Variants in CYBB observed in about 807,000 individuals in gnomAD.
The protein encoded by CYBB is NADPH oxidase 2.
CYBB carries 5 observed loss-of-function variants against 46.5 expected under a neutral mutation model. That is an observed-to-expected ratio of 0.11 (90% CI 0.06 to 0.23). The LOEUF is 0.23. Among genes scored for constraint, CYBB ranks in the 10% least tolerant of loss-of-function variants. The pLI is 1.00. For synonymous variants in CYBB, 183 were observed against 156.7 expected (o/e 1.17, Z -1.26); for missense variants, 307 against 428.3 (o/e 0.72, Z 2.50).
At position 37,813,237 on chromosome X, in the gene CYBB, T is replaced by C. The variant is rs547510406; in HGVS notation, c.*2320T>C. Reference sequence around the variant, plus strand: ...TTTTTTTTTTTTTTTTTTTTAGCACTTAGTATTTAGCATTTATTAACAGGT... The same window carrying C: ...TTTTTTTTTTTTTTTTTTTTAGCACCTAGTATTTAGCATTTATTAACAGGT... On this transcript the variant is annotated 3_prime_UTR_variant, in exon 13 of 13. Transcript: ENST00000378588. 9.8e-6 allele frequency: 1 copy of C among 101,811 alleles called. No individual in the cohort carries two copies. The highest frequency in any genetic ancestry group is 2.0e-5 in the Non-Finnish European group (1 of 50,581). 8.4% of individuals were successfully genotyped at this position (101,811 alleles called of 1,213,427 possible).
At chrX:37,796,490 C>T (rs1045213193) in intron 6 of CYBB, among the ~76,000 whole-genome samples, 46 of 111,282 alleles carry the variant, frequency 4.1e-4, no homozygotes, top group African/African-American at 1.4e-3. Context: ...ATTAAACAAA[C>T]CTCCAGACTA....
Position 37,795,810 on chromosome X carries a change from T to C in CYBB, c.484-141T>C, listed in dbSNP as rs782368341. 11 of 466,865 alleles carry C rather than the reference T, an allele frequency of 2.4e-5. No homozygotes were observed. The Admixed American group carries it at 3.8e-4, about 16-fold the overall frequency. The allele number at this position is 466,865 out of a possible 1,213,427, so 38.5% of individuals were successfully genotyped here. On this transcript the variant is annotated intron_variant, in intron 5 of 12. Transcript: ENST00000378588. ...TGATTAGGATTATTCAAAGAGGGGGTGAAAATATCTATTGTTCTATACATT... is the reference window on the plus strand; with the variant it reads ...TGATTAGGATTATTCAAAGAGGGGGCGAAAATATCTATTGTTCTATACATT...
intron 3 of CYBB, among the ~76,000 whole-genome samples, chrX:37,785,809 T>G (rs1556465402): frequency 8.9e-6 from 1 of 111,842 alleles, no homozygotes; most frequent in Non-Finnish European, 1.9e-5. Flanking sequence ...ACAGGCAATG[T>G]TTTCACCAAG....
At position 37,782,681 on chromosome X, in the gene CYBB, G is replaced by A. The variant is rs35433602; in HGVS notation, c.141+498G>A. Among the ~76,000 whole-genome samples, 477 of 112,033 alleles carry A rather than the reference G, an allele frequency of 4.3e-3. 4 individuals carry two copies. The highest frequency in any genetic ancestry group is 0.014 in the African/African-American group (434 of 30,901). Reference sequence around the variant, plus strand: ...AGGGCCACATCTGTTGACTAGGACAGTAGAGTGAAGGCCCTTCAGTTTCCT... The same window carrying A: ...AGGGCCACATCTGTTGACTAGGACAATAGAGTGAAGGCCCTTCAGTTTCCT... On this transcript the variant is annotated intron_variant, in intron 2 of 12. Transcript: ENST00000378588.
intron 1 of CYBB, among the ~76,000 whole-genome samples, chrX:37,780,901 AT>A (rs1355985270): frequency 9.0e-6 from 1 of 111,636 alleles, no homozygotes; most frequent in Non-Finnish European, 1.9e-5. Context: ...TAGAAATACG[AT>A]TTTTAAATAG....
Position 37,798,943 on chromosome X carries a change from T to A in CYBB, c.675-12T>A, listed in dbSNP as rs782235361. 3.3e-6 allele frequency: 4 copies of A among 1,200,465 alleles called. No individual in the cohort carries two copies. Among genetic ancestry groups the A allele is most frequent in the Non-Finnish European group, 4.5e-6 (4 of 887,637 alleles). On this transcript the variant is annotated splice_polypyrimidine_tract_variant and intron_variant, in intron 6 of 12. Coordinates refer to ENST00000378588, the MANE Select transcript of CYBB (RefSeq NM_000397.4). ...TATTACTAAATGATCTGGACTTACA[T>A]TTTTCACCCAGACGAATTGTACGTG...
Position 37,809,708 on chromosome X carries a change from C to A in CYBB, c.1586+17C>A, listed in dbSNP as rs782094175. ...ACACCCTAAGTAAGGAGTCTGTCACCAAGATGTTTTTGAGGCTTGCATCTG... is the reference window on the plus strand; with the variant it reads ...ACACCCTAAGTAAGGAGTCTGTCACAAAGATGTTTTTGAGGCTTGCATCTG... On this transcript the variant is annotated intron_variant, in intron 12 of 12. Transcript: ENST00000378588. The A allele has an allele frequency of 1.7e-6, 2 of 1,205,772 alleles. No homozygotes were observed. The highest frequency in any genetic ancestry group is 3.5e-5 in the African/African-American group (2 of 57,008).
intron 11 of CYBB, 57 bp downstream of exon 11, chrX:37,806,590 T>G (rs1929565232): frequency 9.3e-7 from 1 of 1,077,344 alleles, no homozygotes; most frequent in African/African-American, 1.8e-5. Flanking sequence ...GCTTACGAAC[T>G]TCCCCTTGGT....
At chrX:37,808,174 A>G (rs1929602403) in intron 11 of CYBB, among the ~76,000 whole-genome samples, 1 of 111,503 alleles carries the variant, frequency 9.0e-6, no homozygotes, top group African/African-American at 3.3e-5. Flanking sequence ...ACAGAAATTT[A>G]TTTTCTCAAA....
rs146755505 is a variant in CYBB at position 37,793,090 on chromosome X, C to T, written c.338-575C>T. ...TTAAGTCATTGTGAAGTACTTATAA[C>T]AGTACTTGGCATCTAGTAAGCCCTA... is the stretch of plus-strand genomic sequence containing the variant. On this transcript the variant is annotated intron_variant, in intron 4 of 12. Coordinates refer to ENST00000378588, the MANE Select transcript of CYBB (RefSeq NM_000397.4). 7.0e-4 allele frequency among the ~76,000 whole-genome samples: 73 copies of T among 104,695 alleles called. 1 individual carries two copies. Among genetic ancestry groups the T allele is most frequent in the African/African-American group, 2.4e-3 (68 of 28,704 alleles). 90.9% of individuals were successfully genotyped at this position (104,695 alleles called of 115,157 possible). A position where few individuals can be genotyped will look rare whatever the true frequency, so the allele number is the denominator to read the frequency against.
chrX:37,798,862 T>A, intron 6 of CYBB, 93 bp from the exon 7 acceptor site: 1 of 925,253 alleles, frequency 1.1e-6, no homozygotes, highest in African/African-American at 1.9e-5. Context: ...GTACAGGGCC[T>A]ACATCAGAGC....
At chrX:37,807,434 A>G (rs1051376182) in intron 11 of CYBB, among the ~76,000 whole-genome samples, 2 of 110,511 alleles carry the variant, frequency 1.8e-5, no homozygotes, top group Non-Finnish European at 1.9e-5. Context: ...TATACTCACT[A>G]CATTTATAAT....
At chrX:37,801,760 A>G (rs1447703064) in intron 8 of CYBB, among the ~76,000 whole-genome samples, 1 of 110,596 alleles carries the variant, frequency 9.0e-6, no homozygotes, top group African/African-American at 3.3e-5. Context: ...TCAGATGCCA[A>G]AAGAACCAGA....
chrX:37,789,481 A>AAG (rs1929145247), intron 3 of CYBB, among the ~76,000 whole-genome samples: 1 of 106,330 alleles, frequency 9.4e-6, no homozygotes, highest in Non-Finnish European at 1.9e-5. Flanking sequence ...GAAGGAAAGA[A>AAG]AGAAAGAAAG....
chrX:37,803,219 T>C (rs1446218737), intron 8 of CYBB, among the ~76,000 whole-genome samples: 1 of 111,218 alleles, frequency 9.0e-6, no homozygotes, highest in Non-Finnish European at 1.9e-5. Flanking sequence ...CAATGGGATC[T>C]CCTTCTTCTG....
At chrX:37,805,776 A>G (rs915399500) in intron 10 of CYBB, among the ~76,000 whole-genome samples, 14 of 110,893 alleles carry the variant, frequency 1.3e-4, no homozygotes. Context: ...ACTTATGAAT[A>G]TCTCCTCAGG....
At chrX:37,790,673 T>C (rs182440839) in intron 3 of CYBB, among the ~76,000 whole-genome samples, 1 of 111,910 alleles carries the variant, frequency 8.9e-6, no homozygotes, top group African/African-American at 3.2e-5. Flanking sequence ...AACTGAGAGA[T>C]AGATGGTGGA....
intron 5 of CYBB, 113 bp from the exon 6 acceptor site, chrX:37,795,838 A>G: frequency 1.8e-6 from 1 of 547,174 alleles, no homozygotes; most frequent in Non-Finnish European, 3.1e-6. Context: ...TATACATTGG[A>G]CACTTTATAA....
chrX:37,789,567 T>C (rs185706846), intron 3 of CYBB, among the ~76,000 whole-genome samples: 68 of 92,164 alleles, frequency 7.4e-4, no homozygotes, highest in African/African-American at 2.6e-3. Context: ...TAAAGGAACA[T>C]GGCAATTGGG....
Sources: allele counts gnomAD v4.1 joint callset (sites outside exome capture counted in the v4.1 genomes callset), GRCh38; gene constraint gnomAD v4.1.1; transcripts MANE v1.5; gene names NCBI Gene and HGNC (gene_info 2026-07-23, HGNC 2026-07-21).